SAXO2: variants seen among roughly 807,000 people sequenced by gnomAD.
The protein encoded by SAXO2 is family with sequence similarity 154, member B.
A neutral mutation model predicts 18.7 loss-of-function variants in SAXO2; 17 were observed. The ratio of observed to expected loss-of-function variants is 0.91; its 90% CI spans 0.62 to 1.36. SAXO2 has a LOEUF of 1.36. SAXO2 is among the 40% of genes most tolerant of loss of function. The pLI, the probability that SAXO2 is intolerant of heterozygous loss-of-function variation, is 0.00. For missense variants in SAXO2, 486 were observed against 562.6 expected (o/e 0.86, Z 1.38); for synonymous variants, 163 against 181.2 (o/e 0.90, Z 0.81).
At chr15:82,263,866 ACTT>A (rs1440661668) in intron 1 of SAXO2, among the ~76,000 whole-genome samples, 5 of 152,096 alleles carry the variant, frequency 3.3e-5, no homozygotes, top group South Asian at 4.2e-4. Flanking sequence ...GCGTGATTTT[ACTT>A]CTTGTTTGTT....
chr15:82,268,159 CTTTAA>C (rs1312116143), intron 2 of SAXO2, among the ~76,000 whole-genome samples: 5 of 152,054 alleles, frequency 3.3e-5, no homozygotes, highest in African/African-American at 7.2e-5. Context: ...TTTTTCTTCA[CTTTAA>C]TTTATTAATA....
chr15:82,280,110 GTTA>G (rs2075350473), intron 3 of SAXO2, among the ~76,000 whole-genome samples: 1 of 152,168 alleles, frequency 6.6e-6, no homozygotes, highest in African/African-American at 2.4e-5. Context: ...CTGCTAGAAT[GTTA>G]TCAAATATTC....
intron 3 of SAXO2, among the ~76,000 whole-genome samples, chr15:82,272,727 G>C (rs1272663626): frequency 6.6e-6 from 1 of 151,912 alleles, no homozygotes; most frequent in Non-Finnish European, 1.5e-5. Flanking sequence ...ATTTTTAGTA[G>C]AGATGGGGTT....
At position 82,284,864 on chromosome 15, in the gene SAXO2, G is replaced by T. The variant is rs1158079818; in HGVS notation, c.*1802G>T. 6.6e-6 allele frequency: 1 copy of T among 152,052 alleles called. No individual in the cohort carries two copies. The highest frequency in any genetic ancestry group is 2.4e-5 in the African/African-American group (1 of 41,390). The allele number at this position is 152,052 out of a possible 1,614,324, so 9.4% of individuals were successfully genotyped here. On this transcript the variant is annotated 3_prime_UTR_variant, in exon 4 of 4. Coordinates refer to ENST00000682753, the MANE Select transcript of SAXO2 (RefSeq NM_001348699.2). ...CTTTACATTTATTAGTAAAAGTATGGTGTGTGAAACTATATTTCCATGCAA... is the reference window on the plus strand; with the variant it reads ...CTTTACATTTATTAGTAAAAGTATGTTGTGTGAAACTATATTTCCATGCAA...
intron 1 of SAXO2, among the ~76,000 whole-genome samples, chr15:82,263,770 C>T (rs1175313356): frequency 6.6e-6 from 1 of 152,012 alleles, no homozygotes; most frequent in African/African-American, 2.4e-5. Flanking sequence ...TTACTTTTCT[C>T]CTAATTTATA....
At chr15:82,279,899 C>G (rs1034838360) in intron 3 of SAXO2, among the ~76,000 whole-genome samples, 2 of 152,164 alleles carry the variant, frequency 1.3e-5, no homozygotes, top group Non-Finnish European at 2.9e-5. Flanking sequence ...TAAACCTGTT[C>G]AGAAGAGAAT....
intron 2 of SAXO2, among the ~76,000 whole-genome samples, chr15:82,271,118 C>G (rs2075266897): frequency 6.6e-6 from 1 of 152,216 alleles, no homozygotes; most frequent in Non-Finnish European, 1.5e-5. Context: ...AGTTACTAAT[C>G]ATTTAACAAT....
chr15:82,272,832 C>T lies in SAXO2; in HGVS notation c.433+1030C>T, dbSNP rs536102111. On this transcript the variant is annotated intron_variant, in intron 3 of 3. Coordinates refer to ENST00000682753, the MANE Select transcript of SAXO2 (RefSeq NM_001348699.2). ...TGCTAAGATCAAAGGCGTGAGCCACCACGCGTGGCCCAAAAACCTGATTTT... is the reference window on the plus strand; with the variant it reads ...TGCTAAGATCAAAGGCGTGAGCCACTACGCGTGGCCCAAAAACCTGATTTT... Among the ~76,000 whole-genome samples, 5 of 151,506 alleles carry T rather than the reference C, an allele frequency of 3.3e-5. No individual in the cohort carries two copies. In the South Asian group the frequency reaches 1.1e-3, roughly 32 times the overall value.
intron 1 of SAXO2, among the ~76,000 whole-genome samples, chr15:82,263,841 G>A (rs183988648): frequency 3.0e-4 from 46 of 152,152 alleles, no homozygotes; most frequent in Middle Eastern, 3.4e-3. Context: ...TATGTTGAGG[G>A]CCACCATTGG....
In SAXO2 at chr15:82,271,783, C is replaced by T; in HGVS notation, c.414C>T (p.Asp138=). 8 of 1,613,986 alleles carry T rather than the reference C, an allele frequency of 5.0e-6. No individual in the cohort carries two copies. The highest frequency in any genetic ancestry group is 6.8e-6 in the Non-Finnish European group (8 of 1,179,926). ...GACAAGTTAAAAAAGGAAAATTGGA[C>T]ACTGTCCCAACCTATAAAGGTAACT... ...LERQVKKGKL[D]TVPTYKDDYR... The change falls in exon 3 of 4, where the codon GAC becomes GAT. Residue 138 remains aspartate (D), a synonymous_variant. Transcript: ENST00000682753.
chr15:82,269,462 A>C (rs1243492063), intron 2 of SAXO2, among the ~76,000 whole-genome samples: 1 of 152,224 alleles, frequency 6.6e-6, no homozygotes, highest in East Asian at 1.9e-4. Context: ...AAGCAAGAGG[A>C]AACAACGGTG....
In SAXO2 at chr15:82,283,970, T is replaced by C. The variant is rs2075389803; in HGVS notation, c.*908T>C. 4 of 152,240 alleles carry C rather than the reference T, an allele frequency of 2.6e-5. No homozygotes were observed. Among genetic ancestry groups the C allele is most frequent in the African/African-American group, 7.2e-5 (3 of 41,462 alleles). The allele number at this position is 152,240 out of a possible 1,614,324, so 9.4% of individuals were successfully genotyped here. On this transcript the variant is annotated 3_prime_UTR_variant, in exon 4 of 4. Coordinates refer to ENST00000682753, the MANE Select transcript of SAXO2 (RefSeq NM_001348699.2). ...CAGGCATGAGCCACTATACCCAACC[T>C]GAGTTTAAGTTCTAATAATATAGAT...
At position 82,283,091 on chromosome 15, in the gene SAXO2, C is replaced by G; in HGVS notation, c.*29C>G. On this transcript the variant is annotated 3_prime_UTR_variant, in exon 4 of 4. Transcript: ENST00000682753. Reference sequence around the variant, plus strand: ...CCAAAATGTGCTTAAAAGGAAGGTACTAGCAAGTTGTTGTTTTTCCAAGAG... The same window carrying G: ...CCAAAATGTGCTTAAAAGGAAGGTAGTAGCAAGTTGTTGTTTTTCCAAGAG... 2 of 1,375,250 alleles carry G rather than the reference C, an allele frequency of 1.5e-6. No individual in the cohort carries two copies. The highest frequency in any genetic ancestry group is 1.9e-6 in the Non-Finnish European group (2 of 1,050,740). The allele number at this position is 1,375,250 out of a possible 1,614,324, so 85.2% of individuals were successfully genotyped here. A position where few individuals can be genotyped will look rare whatever the true frequency, so the allele number is the denominator to read the frequency against.
chr15:82,283,088 G>T lies in SAXO2; in HGVS notation c.*26G>T. 1.5e-6 allele frequency: 2 copies of T among 1,376,952 alleles called. No individual in the cohort carries two copies. Among genetic ancestry groups the T allele is most frequent in the Non-Finnish European group, 1.9e-6 (2 of 1,052,028 alleles). 85.3% of individuals were successfully genotyped at this position (1,376,952 alleles called of 1,614,324 possible). A position where few individuals can be genotyped will look rare whatever the true frequency, so the allele number is the denominator to read the frequency against. On this transcript the variant is annotated 3_prime_UTR_variant, in exon 4 of 4. Transcript: ENST00000682753. Reference sequence around the variant, plus strand: ...TAACCAAAATGTGCTTAAAAGGAAGGTACTAGCAAGTTGTTGTTTTTCCAA... The same window carrying T: ...TAACCAAAATGTGCTTAAAAGGAAGTTACTAGCAAGTTGTTGTTTTTCCAA...
rs1249666192 is a variant in SAXO2 at position 82,282,177 on chromosome 15, C to A, written c.492C>A (p.Tyr164Ter). 6.2e-7 allele frequency: 1 copy of A among 1,613,922 alleles called. No individual in the cohort carries two copies. Among genetic ancestry groups the A allele is most frequent in the Admixed American group, 1.7e-5 (1 of 60,004 alleles). Reference protein sequence around the residue: ...KSELYKPEQTYHPPTVKFGNS... With the variant: ...KSELYKPEQT ...AACTTTATAAGCCAGAACAAACTTA[C>A]CACCCGCCTACTGTGAAATTTGGAA... The change falls in exon 4 of 4, where the codon TAC (tyrosine) becomes TAA (stop). Residue 164 changes from tyrosine (Y) to a stop codon, truncating the protein, a stop_gained. Coordinates refer to ENST00000682753, the MANE Select transcript of SAXO2 (RefSeq NM_001348699.2). LOFTEE classifies it low-confidence loss of function (END_TRUNC).
At chr15:82,274,716 A>T (rs2075299783) in intron 3 of SAXO2, among the ~76,000 whole-genome samples, 1 of 151,788 alleles carries the variant, frequency 6.6e-6, no homozygotes, top group Admixed American at 6.6e-5. Context: ...AAAAAAAAAA[A>T]AAGTATTTGA....
At chr15:82,263,148 C>T in intron 1 of SAXO2, 1 of 1,458,552 alleles carries the variant, frequency 6.9e-7, no homozygotes, top group Non-Finnish European at 9.0e-7. Flanking sequence ...GCCCCTGAGA[C>T]TCCCAATCAA....
intron 1 of SAXO2, among the ~76,000 whole-genome samples, chr15:82,265,325 G>C (rs1463284443): frequency 1.3e-5 from 2 of 152,046 alleles, no homozygotes; most frequent in African/African-American, 4.8e-5. Context: ...TGTATTTTTA[G>C]TAGAGACGGG....
intron 3 of SAXO2, among the ~76,000 whole-genome samples, chr15:82,272,620 C>T (rs531290925): frequency 1.3e-5 from 2 of 152,300 alleles, no homozygotes; most frequent in East Asian, 3.9e-4. Context: ...TGGCCCACTG[C>T]AACCTCCACC....
Sources: gnomAD v4.1 joint callset for allele counts (sites outside exome capture counted in the v4.1 genomes callset) on GRCh38, gnomAD v4.1.1 for gene constraint, MANE v1.5 for transcripts, NCBI Gene and HGNC (gene_info 2026-07-23, HGNC 2026-07-21) for gene names.